Variants in COL6A5 observed in about 807,000 individuals in gnomAD.
COL6A5 encodes the protein collagen alpha-5(VI) chain.
COL6A5 carries 48 observed loss-of-function variants against 65.6 expected under a neutral mutation model. The ratio of observed to expected loss-of-function variants is 0.73; its 90% confidence interval spans 0.58 to 0.93. COL6A5 has a LOEUF of 0.93. Among genes scored for constraint, COL6A5 ranks in the 40% least tolerant of loss-of-function variants. COL6A5 has a pLI of 0.00. For synonymous variants in COL6A5, 291 were observed against 322.8 expected (o/e 0.90, Z 1.05); for missense variants, 914 against 928.3 (o/e 0.98, Z 0.20).
intron 22 of COL6A5, 41 bp from the exon 23 acceptor site, chr3:130,415,604 A>C: frequency 6.6e-7 from 1 of 1,514,156 alleles, no homozygotes; most frequent in Non-Finnish European, 8.9e-7. Flanking sequence ...GTAAGCTTTC[A>C]TTGACATAAT....
chr3:130,462,052 A>G (rs751186118), intron 5 of COL6A5, among the ~76,000 whole-genome samples: 35 of 152,120 alleles, frequency 2.3e-4, no homozygotes, highest in Non-Finnish European at 3.7e-4. Flanking sequence ...CTATTTTAAG[A>G]CAGTCATTCC....
chr3:130,406,080 G>A (rs575429481), intron 15 of COL6A5, 51 bp from the exon 16 acceptor site: 59 of 1,546,568 alleles, frequency 3.8e-5, no homozygotes, highest in African/African-American at 2.1e-4. Context: ...CCGAATAAGC[G>A]TGTGGCAGAG....
At position 130,376,848 on chromosome 3, in the gene COL6A5, C is replaced by T. The variant is rs766737025; in HGVS notation, c.667+12C>T. 9.4e-6 allele frequency: 15 copies of T among 1,595,550 alleles called. No homozygotes were observed. The highest frequency in any genetic ancestry group is 8.1e-5 in the African/African-American group (6 of 74,486). ...TGCTGATATGCAAGGTAAGGAAACCCTTGGTTGAAGAGGTGCCTGATCCCC... is the reference window on the plus strand; with the variant it reads ...TGCTGATATGCAAGGTAAGGAAACCTTTGGTTGAAGAGGTGCCTGATCCCC... On this transcript the variant is annotated intron_variant and NMD_transcript_variant, in intron 3 of 41. Coordinates refer to the COL6A5 transcript ENST00000312481.
rs1254862552 is a variant in COL6A5, at chr3:130,415,690, G to C, written c.4807G>C (p.Gly1603Arg). The change falls in exon 23 of 42, where the codon GGG becomes CGG. Residue 1603 changes from glycine to arginine, a missense_variant and NMD_transcript_variant. Gly to Arg is a moderately radical substitution (Grantham distance 125). Transcript: ENST00000312481. ...CAGAAAAGGAGAAAAAGGAAGCCAG[G>C]GGCAGAAAGGACCTCAGGTGAGTGA... 5.8e-6 allele frequency: 9 copies of C among 1,548,102 alleles called. No individual in the cohort carries two copies. In the African/African-American group the frequency reaches 8.2e-5, roughly 14 times the overall value.
intron 1 of COL6A5, among the ~76,000 whole-genome samples, chr3:130,368,023 A>C (rs77123808): frequency 0.044 from 6,652 of 152,278 alleles, 598 homozygotes; most frequent in East Asian, 0.37. Flanking sequence ...ATTAAAGGAC[A>C]TACTGGTCCT....
chr3:130,385,262 CA>C, exon 5 of COL6A5: 1 of 1,550,822 alleles, frequency 6.4e-7, no homozygotes, highest in South Asian at 1.2e-5. Context: ...AATAGAACTG[CA>C]AGAAATTGCT....
chr3:130,442,287 G>C (rs1032704373), intron 3 of COL6A5, among the ~76,000 whole-genome samples: 1 of 152,056 alleles, frequency 6.6e-6, no homozygotes, highest in Non-Finnish European at 1.5e-5. Flanking sequence ...TGTGAAATAG[G>C]CAGGTTAAGG....
At chr3:130,395,589 A>ATTGCACAACAAGTGAGATATT in intron 8 of COL6A5, 124 bp downstream of exon 8, 1 of 783,688 alleles carries the variant, frequency 1.3e-6, no homozygotes, top group Non-Finnish European at 2.0e-6. Context: ...AGAATATCTC[A>ATTGCACAACAAGTGAGATATT]CTTGTTGTGC....
intron 3 of COL6A5, among the ~76,000 whole-genome samples, chr3:130,441,815 C>T (rs1709189663): frequency 6.6e-6 from 1 of 152,134 alleles, no homozygotes; most frequent in Non-Finnish European, 1.5e-5. Context: ...TAATACATCC[C>T]CAAAAGTCAA....
In COL6A5 at chr3:130,431,786, G is replaced by A. The variant is rs773277460; in HGVS notation, c.326G>A (p.Arg109Gln). 17 of 1,551,590 alleles carry A rather than the reference G, an allele frequency of 1.1e-5. No homozygotes were observed. Among genetic ancestry groups the A allele is most frequent in the Middle Eastern group, 1.7e-4 (1 of 5,992 alleles). ...TTTGTGACCCGCAACGTGTTCAAGC[G>A]GACGTATGCAGGAGCCAACGTGAGG... Residue 109 changes from arginine to glutamine, a missense_variant, in exon 1 of 8, where the codon CGG becomes CAG. Physicochemically the swap from Arg to Gln is conservative, Grantham distance 43 (BLOSUM62 1). Transcript: ENST00000512836.
intron 14 of COL6A5, 38 bp from the exon 15 acceptor site, chr3:130,405,955 C>A: frequency 6.5e-7 from 1 of 1,547,434 alleles, no homozygotes; most frequent in South Asian, 1.2e-5. Flanking sequence ...CACACTCTGT[C>A]TTTGATTTGT....
chr3:130,444,194 C>CT (rs1709254087), intron 4 of COL6A5, among the ~76,000 whole-genome samples: 1 of 152,092 alleles, frequency 6.6e-6, no homozygotes, highest in Non-Finnish European at 1.5e-5. Flanking sequence ...TTGTCCTGTT[C>CT]TTTTTTCAAG....
At chr3:130,418,800 C>G (rs1937436924) in intron 24 of COL6A5, 69 bp from the exon 25 acceptor site, 1 of 1,266,092 alleles carries the variant, frequency 7.9e-7, no homozygotes, top group Non-Finnish European at 1.1e-6. Context: ...ATCGAGTGGA[C>G]AGAACTTACC....
chr3:130,446,420 A>C (rs1469138208), intron 4 of COL6A5, among the ~76,000 whole-genome samples: 1 of 152,180 alleles, frequency 6.6e-6, no homozygotes, highest in African/African-American at 2.4e-5. Flanking sequence ...TGTAAGTGAG[A>C]TTCAGTGCTG....
chr3:130,393,549 A>G (rs988385579), intron 7 of COL6A5, among the ~76,000 whole-genome samples: 2 of 152,156 alleles, frequency 1.3e-5, no homozygotes, highest in African/African-American at 4.8e-5. Context: ...GTCTTTTCCT[A>G]TGAATGTGGA....
intron 18 of COL6A5, 101 bp from the exon 19 acceptor site, chr3:130,409,908 A>G: frequency 1.3e-6 from 1 of 779,588 alleles, no homozygotes; most frequent in South Asian, 1.9e-5. Flanking sequence ...CACACCTCTT[A>G]TAGCTTGACC....
intron 1 of COL6A5, among the ~76,000 whole-genome samples, chr3:130,351,093 GA>G (rs1337509871): frequency 6.6e-6 from 1 of 152,180 alleles, no homozygotes; most frequent in Non-Finnish European, 1.5e-5. Context: ...ATGGTGCTGG[GA>G]AAACTGGCTA....
chr3:130,380,055 G>A lies in COL6A5; in HGVS notation c.1300+5G>A. The A allele has an allele frequency of 6.7e-7, 1 of 1,490,348 alleles. No individual in the cohort carries two copies. The highest frequency in any genetic ancestry group is 2.5e-5 in the East Asian group (1 of 40,300). The allele number at this position is 1,490,348 out of a possible 1,614,324, so 92.3% of individuals were successfully genotyped here. ...AAAGGAATCTTGATAAAACTGGTAT[G>A]TTTTTTAAAATACTTTTCTAATTAT... On this transcript the variant is annotated splice_donor_5th_base_variant and intron_variant and NMD_transcript_variant, in intron 4 of 41. Coordinates refer to the COL6A5 transcript ENST00000312481.
chr3:130,397,572 T>C lies in COL6A5; in HGVS notation c.3569-11T>C, dbSNP rs1936644483. 1.3e-6 allele frequency: 2 copies of C among 1,535,034 alleles called. No homozygotes were observed. Among genetic ancestry groups the C allele is most frequent in the Non-Finnish European group, 1.8e-6 (2 of 1,136,706 alleles). Reference sequence around the variant, plus strand: ...ACTCGTTAATCTTGACTCTGTTCCCTTGGTTTCTAGATTGCTTTATGGACA... The same window carrying C: ...ACTCGTTAATCTTGACTCTGTTCCCCTGGTTTCTAGATTGCTTTATGGACA... On this transcript the variant is annotated splice_polypyrimidine_tract_variant and intron_variant and NMD_transcript_variant, in intron 8 of 41. Transcript: ENST00000312481.
Sources: gnomAD v4.1 joint callset for allele counts (sites outside exome capture counted in the v4.1 genomes callset) on GRCh38, gnomAD v4.1.1 for gene constraint, MANE v1.5 for transcripts, NCBI Gene and HGNC (gene_info 2026-07-23, HGNC 2026-07-21) for gene names.